The following DOC2A variants were observed in gnomAD, a reference collection of about 807,000 sequenced individuals.
DOC2A encodes double C2 domain alpha, also known as double C2-like domain-containing protein alpha.
In DOC2A, 28 loss-of-function variants were observed where a neutral mutation model predicts 40.6. The ratio of observed to expected loss-of-function variants is 0.69; its 90% CI spans 0.51 to 0.95. The LOEUF is 0.95. Among genes scored for constraint, DOC2A ranks in the 40% least tolerant of loss-of-function variants. The probability of loss-of-function intolerance (pLI) is 0.00; values close to 1 mark genes in which losing one functional copy is unlikely to be tolerated. For synonymous variants in DOC2A, 241 were observed against 236.9 expected (o/e 1.02, Z -0.16); for missense variants, 474 against 552.5 (o/e 0.86, Z 1.42).
upstream of DOC2A, chr16:30,011,503 G>A: frequency 1.2e-6 from 1 of 801,354 alleles, no homozygotes; most frequent in Non-Finnish European, 1.5e-6. Context: ...CCCAAGGCCG[G>A]ACCACCGGCC....
At chr16:30,011,198 A>T, upstream of DOC2A, 2 of 673,548 alleles carry the variant, frequency 3.0e-6, no homozygotes, top group Non-Finnish European at 3.7e-6. Flanking sequence ...GCGCACACTC[A>T]CGCAGGGGCA....
At chr16:30,017,444 T>C (rs949698021) in intron 1 of DOC2A, among the ~76,000 whole-genome samples, 2 of 152,232 alleles carry the variant, frequency 1.3e-5, no homozygotes, top group South Asian at 2.1e-4. Context: ...GTATATGCCA[T>C]GGAATACTAT....
chr16:30,020,079 T>G (rs1165831826), intron 1 of DOC2A, among the ~76,000 whole-genome samples: 2 of 152,116 alleles, frequency 1.3e-5, no homozygotes, highest in Non-Finnish European at 2.9e-5. Context: ...CGGCTTATTT[T>G]TGTATTTTTA....
At chr16:30,008,904 AC>A in intron 5 of DOC2A, 91 bp downstream of exon 5, 1 of 891,130 alleles carries the variant, frequency 1.1e-6, no homozygotes. Flanking sequence ...TCAGAGAGGT[AC>A]GGGCTTAATG....
In DOC2A at chr16:30,006,361, A is replaced by T; in HGVS notation, c.1058-30T>A. ...GGAGCAGGTGGGCAGGGTCAGGGCC[A>T]CCTCCCTGCCACTTGCCCGCCCTCA... On this transcript the variant is annotated intron_variant, in intron 10 of 10. Coordinates refer to ENST00000350119, the MANE Select transcript of DOC2A (RefSeq NM_003586.3). The surrounding 1 kb of genome is among the most constrained non-coding windows in gnomAD (Gnocchi z 6.2). 1.2e-6 allele frequency: 2 copies of T among 1,611,528 alleles called. No individual in the cohort carries two copies. The highest frequency in any genetic ancestry group is 1.7e-6 in the Non-Finnish European group (2 of 1,179,574).
At position 30,006,257 on chromosome 16, in the gene DOC2A, C is replaced by T. The variant is rs763028825; in HGVS notation, c.1132G>A (p.Ala378Thr). ...HWSDCLQQPDAALERWHTLTS... is the reference protein window; with the variant it reads ...HWSDCLQQPDTALERWHTLTS... The stretch of plus-strand genomic sequence containing the variant: ...AGGGTGTGCCAGCGCTCCAGGGCTG[C>T]GTCCGGCTGCTGCAGGCAGTCACTC... The change falls in exon 11 of 11, where the codon GCA becomes ACA. Residue 378 changes from alanine to threonine, a missense_variant. Transcript: ENST00000350119. The surrounding 1 kb of genome is among the most constrained non-coding windows in gnomAD (Gnocchi z 6.2). 3.9e-5 allele frequency: 62 copies of T among 1,596,458 alleles called. No homozygotes were observed. The highest frequency in any genetic ancestry group is 1.7e-4 in the Middle Eastern group (1 of 5,732).
intron 1 of DOC2A, chr16:30,018,757 G>A (rs902032125): frequency 3.3e-5 from 5 of 152,180 alleles, no homozygotes; most frequent in African/African-American, 7.2e-5. Flanking sequence ...CATATAGATG[G>A]TATTTAAAGC....
Position 30,009,696 on chromosome 16 carries a change from C to T in DOC2A, c.263-139G>A, listed in dbSNP as rs553912206. 50 of 908,802 alleles carry T rather than the reference C, an allele frequency of 5.5e-5. No homozygotes were observed. The highest frequency in any genetic ancestry group is 2.5e-4 in the Middle Eastern group (1 of 3,972). The allele number at this position is 908,802 out of a possible 1,614,324, so 56.3% of individuals were successfully genotyped here. A position where few individuals can be genotyped will look rare whatever the true frequency, so the allele number is the denominator to read the frequency against. Reference sequence around the variant, plus strand: ...GTGCAAGAGGCTGAGTGGGCCCATGCGTGTGTGCGTCTGGGTCCCTGGCTC... The same window carrying T: ...GTGCAAGAGGCTGAGTGGGCCCATGTGTGTGTGCGTCTGGGTCCCTGGCTC... On this transcript the variant is annotated intron_variant, in intron 2 of 10. Transcript: ENST00000350119. The surrounding 1 kb of genome is among the most constrained non-coding windows in gnomAD (Gnocchi z 4.1).
intron 1 of DOC2A, among the ~76,000 whole-genome samples, chr16:30,017,975 AAAAG>A (rs1400096013): frequency 1.3e-5 from 2 of 148,316 alleles, no homozygotes; most frequent in Non-Finnish European, 3.0e-5. Context: ...AAAAAAAAAA[AAAAG>A]AAAGAAAAGA....
At position 30,017,684 on chromosome 16, in the gene DOC2A, C is replaced by T. The variant is rs144040557; in HGVS notation, c.-376+3499G>A. Among the ~76,000 whole-genome samples, 522 of 152,040 alleles carry T rather than the reference C, an allele frequency of 3.4e-3. 4 individuals are homozygous for T. The highest frequency in any genetic ancestry group is 0.011 in the African/African-American group (461 of 41,488). On this transcript the variant is annotated intron_variant, in intron 1 of 5. Transcript: ENST00000574405. Reference sequence around the variant, plus strand: ...TCGAAAAACTACCTATTGCCGGGTGCGGTGGCTCATGCCTGTAATCCCAGC... The same window carrying T: ...TCGAAAAACTACCTATTGCCGGGTGTGGTGGCTCATGCCTGTAATCCCAGC...
chr16:30,010,205 G>T lies in DOC2A; in HGVS notation c.18C>A (p.Gly6=), dbSNP rs775405719. 45 of 1,613,756 alleles carry T rather than the reference G, an allele frequency of 2.8e-5. No individual in the cohort carries two copies. In the South Asian group the frequency reaches 4.7e-4, roughly 17 times the overall value. The change falls in exon 2 of 11, where the codon GGC becomes GGA. Residue 6 remains glycine, a synonymous_variant. Transcript: ENST00000350119. The surrounding 1 kb of genome is among the most constrained non-coding windows in gnomAD (Gnocchi z 4.2). ...CCTGGATGTTGATGGTCATGCGATC[G>T]CCCCTGCGGCCCCTCATGCAGCACC... MRGRR[G]DRMTINIQEH...
At chr16:30,018,249 C>T (rs1208136349) in intron 1 of DOC2A, among the ~76,000 whole-genome samples, 1 of 148,236 alleles carries the variant, frequency 6.7e-6, no homozygotes, top group Non-Finnish European at 1.5e-5. Context: ...CACTGCACTC[C>T]AGCCTGGGCA....
rs570498746 is a variant in DOC2A at position 30,019,172 on chromosome 16, G to A, written c.-376+2011C>T. On this transcript the variant is annotated intron_variant, in intron 1 of 5. Transcript: ENST00000574405. ...ATCTCTACTAAAAATTAAAAAATTA[G>A]CTGGGTGTGGTGGTGGGTGCCTGTA... Among the ~76,000 whole-genome samples, 9 of 152,296 alleles carry A rather than the reference G, an allele frequency of 5.9e-5. No homozygotes were observed. The East Asian group carries it at 1.3e-3, about 23-fold the overall frequency.
At chr16:30,018,811 A>G (rs2070882412) in intron 1 of DOC2A, 1 of 152,294 alleles carries the variant, frequency 6.6e-6, no homozygotes, top group Admixed American at 6.5e-5. Context: ...TATAGATAGC[A>G]AGACAAGGCC....
upstream of DOC2A, among the ~76,000 whole-genome samples, chr16:30,015,724 A>T (rs1596714119): frequency 2.5e-5 from 3 of 119,428 alleles, no homozygotes; most frequent in Admixed American, 1.1e-4. Flanking sequence ...TTTTTGAGAC[A>T]GGGTCTCACT....
In DOC2A at chr16:30,005,994, CA is replaced by C. The variant is rs780263560; in HGVS notation, c.*191del. 2.6e-5 allele frequency: 17 copies of C among 654,178 alleles called. No individual in the cohort carries two copies. The highest frequency in any genetic ancestry group is 3.1e-5 in the Non-Finnish European group (12 of 387,588). The allele number at this position is 654,178 out of a possible 1,614,324, so 40.5% of individuals were successfully genotyped here. On this transcript the variant is annotated 3_prime_UTR_variant, in exon 11 of 11. Coordinates refer to ENST00000350119, the MANE Select transcript of DOC2A (RefSeq NM_003586.3). Reference sequence around the variant, plus strand: ...TATTTGCAGGGACTAGCGAGTCAGGCAGGAGGTTTGCATATGTGAATATAGA... The same window carrying C: ...TATTTGCAGGGACTAGCGAGTCAGGCGGAGGTTTGCATATGTGAATATAGA...
upstream of DOC2A, chr16:30,021,425 G>C (rs1413473897): frequency 1.3e-5 from 2 of 152,376 alleles, no homozygotes; most frequent in African/African-American, 4.8e-5. Flanking sequence ...AGTGGAAATG[G>C]CTGTTGGGAG....
rs111690304 is a variant in DOC2A at position 30,010,755 on chromosome 16, G to A, written c.-14+148C>T. 3.2e-5 allele frequency: 16 copies of A among 496,662 alleles called. 1 individual carries two copies. The highest frequency in any genetic ancestry group is 2.5e-4 in the African/African-American group (12 of 47,608). The allele number at this position is 496,662 out of a possible 1,614,324, so 30.8% of individuals were successfully genotyped here. A position where few individuals can be genotyped will look rare whatever the true frequency, so the allele number is the denominator to read the frequency against. Reference sequence around the variant, plus strand: ...CGCTCGCTCACCACAGCCCACGGTGGAGACCCCAGCCTCAGATGCCACCTC... The same window carrying A: ...CGCTCGCTCACCACAGCCCACGGTGAAGACCCCAGCCTCAGATGCCACCTC... On this transcript the variant is annotated intron_variant, in intron 1 of 10. Transcript: ENST00000350119. This position sits in a 1 kb window ranked among gnomAD's most constrained non-coding sequence, Gnocchi z 4.2.
At position 30,009,878 on chromosome 16, in the gene DOC2A, C is replaced by A; in HGVS notation, c.262+83G>T. ...CTCCCCTACCTACATGCACAGCCAG[C>A]AGGGCCCATCCCCCTCTCCCCCCAC... On this transcript the variant is annotated intron_variant, in intron 2 of 10. Coordinates refer to ENST00000350119, the MANE Select transcript of DOC2A (RefSeq NM_003586.3). This position sits in a 1 kb window ranked among gnomAD's most constrained non-coding sequence, Gnocchi z 4.1. The A allele has an allele frequency of 6.5e-7, 1 of 1,536,566 alleles. No homozygotes were observed. The highest frequency in any genetic ancestry group is 9.0e-7 in the Non-Finnish European group (1 of 1,116,590).
Sources: gnomAD v4.1 joint callset for allele counts (sites outside exome capture counted in the v4.1 genomes callset) on GRCh38, gnomAD v4.1.1 for gene constraint, Gnocchi (gnomAD v3.1) non-coding constraint, MANE v1.5 for transcripts, NCBI Gene and HGNC (gene_info 2026-07-23, HGNC 2026-07-21) for gene names.